LYRM4: variants seen among roughly 807,000 people sequenced by gnomAD.
LYRM4 encodes the protein LYR motif containing 4, also known as LYR motif-containing protein 4.
A neutral mutation model predicts 11.7 loss-of-function variants in LYRM4; 9 were observed. The ratio of observed to expected loss-of-function variants is 0.77; its 90% CI spans 0.46 to 1.34. The LOEUF is 1.34. Among genes scored for constraint, LYRM4 ranks in the 40% most tolerant of loss-of-function variants. The probability of loss-of-function intolerance (pLI) is 0.00; values close to 1 mark genes in which losing one functional copy is unlikely to be tolerated. For missense variants in LYRM4, 133 were observed against 112.5 expected (o/e 1.18, Z -0.82); for synonymous variants, 42 against 40.4 (o/e 1.04, Z -0.15).
intron 2 of LYRM4, among the ~76,000 whole-genome samples, chr6:5,157,511 T>TAAAAAAAAAAAA (rs527534440): frequency 7.5e-6 from 1 of 133,948 alleles, no homozygotes; most frequent in African/African-American, 2.7e-5. Flanking sequence ...TATCTAAAAC[T>TAAAAAAAAAAAA]AAAAAAAAAA....
At chr6:5,111,782 T>A (rs1004550451) in intron 2 of LYRM4, among the ~76,000 whole-genome samples, 8 of 152,252 alleles carry the variant, frequency 5.3e-5, no homozygotes, top group African/African-American at 1.9e-4. Flanking sequence ...ACAGCTGGGC[T>A]GCAGCTTGGG....
chr6:5,131,883 A>G (rs1763971143), intron 2 of LYRM4, among the ~76,000 whole-genome samples: 1 of 152,254 alleles, frequency 6.6e-6, no homozygotes. Context: ...GCAGCAGGAT[A>G]CAACTCACGA....
At chr6:5,124,806 T>C (rs1415019543) in intron 2 of LYRM4, among the ~76,000 whole-genome samples, 4 of 152,190 alleles carry the variant, frequency 2.6e-5, no homozygotes, top group African/African-American at 9.7e-5. Context: ...AGATTATGAG[T>C]TAGCAGATCT....
At chr6:5,202,483 C>T (rs543830397) in intron 2 of LYRM4, among the ~76,000 whole-genome samples, 1 of 152,288 alleles carries the variant, frequency 6.6e-6, no homozygotes, top group South Asian at 2.1e-4. Context: ...ACTTTCTATG[C>T]CATCCCAAGA....
At chr6:5,138,328 A>G (rs981331178) in intron 2 of LYRM4, among the ~76,000 whole-genome samples, 1 of 151,644 alleles carries the variant, frequency 6.6e-6, no homozygotes, top group Non-Finnish European at 1.5e-5. Flanking sequence ...TACAAACAAT[A>G]CAGAAACTAA....
chr6:5,135,984 C>T (rs1488688437), intron 2 of LYRM4, among the ~76,000 whole-genome samples: 3 of 152,194 alleles, frequency 2.0e-5, no homozygotes, highest in Non-Finnish European at 2.9e-5. Context: ...TAGGGACCGC[C>T]GTAAGTGGAA....
At chr6:5,086,884 GA>G in the LYRM4 span, 200 of 380,076 alleles carry the variant, frequency 5.3e-4, 2 homozygotes, top group Middle Eastern at 9.8e-3. Flanking sequence ...CTGCCTCCAA[GA>G]AAAAGGCTCC....
chr6:5,211,061 A>T (rs1761963858), intron 2 of LYRM4, among the ~76,000 whole-genome samples: 3 of 152,164 alleles, frequency 2.0e-5, no homozygotes, highest in African/African-American at 4.8e-5. Flanking sequence ...ATTCTCTCAA[A>T]CTATCAAATA....
chr6:5,156,908 C>G (rs1436199700), intron 2 of LYRM4, among the ~76,000 whole-genome samples: 1 of 152,194 alleles, frequency 6.6e-6, no homozygotes, highest in African/African-American at 2.4e-5. Flanking sequence ...GGGAATGTCA[C>G]AAGATCCCCC....
chr6:5,079,883 GCTC>G, the LYRM4 span, among the ~76,000 whole-genome samples: 7 of 152,192 alleles, frequency 4.6e-5, no homozygotes, highest in South Asian at 1.4e-3. Flanking sequence ...GATTGTGCAA[GCTC>G]CTCCTTGTTG....
chr6:5,260,598 T>TGCCCCGGCCCCGGGGC, intron 1 of LYRM4, 50 bp downstream of exon 1: 7 of 1,105,566 alleles, frequency 6.3e-6, no homozygotes, highest in Non-Finnish European at 9.1e-6. Context: ...GCACCCCCGG[T>TGCCCCGGCCCCGGGGC]CCCCGGCCCC....
At chr6:5,182,485 T>A (rs1318099583) in intron 2 of LYRM4, among the ~76,000 whole-genome samples, 3 of 152,264 alleles carry the variant, frequency 2.0e-5, no homozygotes, top group Non-Finnish European at 4.4e-5. Context: ...AAGTTTCATT[T>A]ATTAGATGTG....
intron 2 of LYRM4, among the ~76,000 whole-genome samples, chr6:5,168,619 A>G (rs889727936): frequency 3.9e-5 from 6 of 152,282 alleles, no homozygotes; most frequent in South Asian, 4.1e-4. Flanking sequence ...AGGAGAGCCA[A>G]TGGACTGACC....
At chr6:5,157,492 C>T (rs891482417) in intron 2 of LYRM4, among the ~76,000 whole-genome samples, 1 of 149,088 alleles carries the variant, frequency 6.7e-6, no homozygotes, top group Non-Finnish European at 1.5e-5. Flanking sequence ...ACAGGAAGTA[C>T]CTAAACAGTA....
intron 1 of LYRM4, among the ~76,000 whole-genome samples, chr6:5,222,764 G>GAAAAAAAAAA (rs56295961): frequency 1.8e-4 from 25 of 139,908 alleles, no homozygotes; most frequent in Non-Finnish European, 2.6e-4. Context: ...AGCAAAACAA[G>GAAAAAAAAAA]AAAAAAAAAA....
the LYRM4 span, chr6:5,066,374 G>A: frequency 1.4e-6 from 1 of 729,322 alleles, no homozygotes; most frequent in East Asian, 2.5e-5. Flanking sequence ...TTTCCAAAGT[G>A]GCCCTTTTTT....
the LYRM4 span, chr6:5,033,707 G>C: frequency 6.6e-6 from 1 of 152,292 alleles, no homozygotes; most frequent in African/African-American, 2.4e-5. Flanking sequence ...TCCAGTGGCA[G>C]TCCACAGCTT....
At chr6:5,241,089 G>T (rs759375176) in intron 1 of LYRM4, among the ~76,000 whole-genome samples, 2 of 152,108 alleles carry the variant, frequency 1.3e-5, no homozygotes, top group Non-Finnish European at 2.9e-5. Context: ...CAAAATGGGG[G>T]AAATTAAAAG....
intron 2 of LYRM4, among the ~76,000 whole-genome samples, chr6:5,121,838 G>A (rs1763470716): frequency 6.6e-6 from 1 of 152,200 alleles, no homozygotes; most frequent in Non-Finnish European, 1.5e-5. Flanking sequence ...CCAGAATCCT[G>A]GCCCCTCTAC....
Sources: gnomAD v4.1 joint callset for allele counts (sites outside exome capture counted in the v4.1 genomes callset) on GRCh38, gnomAD v4.1.1 for gene constraint, MANE v1.5 for transcripts, NCBI Gene and HGNC (gene_info 2026-07-23, HGNC 2026-07-21) for gene names.